The following DENND1B variants were observed in gnomAD, a reference collection of about 807,000 sequenced individuals.
DENND1B encodes the protein DENN domain containing 1B.
In DENND1B, 59 loss-of-function variants were observed where a neutral mutation model predicts 90.1. The ratio of observed to expected loss-of-function variants is 0.65; its 90% confidence interval spans 0.53 to 0.81. The LOEUF (loss-of-function observed/expected upper bound fraction) is 0.81. Among genes scored for constraint, DENND1B ranks in the 40% least tolerant of loss-of-function variants. The pLI, the probability that DENND1B is intolerant of heterozygous loss-of-function variation, is 0.00. For missense variants in DENND1B, 862 were observed against 912.6 expected (o/e 0.94, Z 0.71); for synonymous variants, 337 against 324.6 (o/e 1.04, Z -0.41).
upstream of DENND1B, among the ~76,000 whole-genome samples, chr1:197,776,888 T>C (rs1471347480): frequency 6.6e-6 from 1 of 152,140 alleles, no homozygotes; most frequent in Non-Finnish European, 1.5e-5. Flanking sequence ...CACTTCAGTT[T>C]CTCGGTTCCT....
At chr1:197,682,764 T>G (rs898751103) in intron 3 of DENND1B, among the ~76,000 whole-genome samples, 1 of 152,074 alleles carries the variant, frequency 6.6e-6, no homozygotes, top group African/African-American at 2.4e-5. Context: ...GGAAAACATA[T>G]GTGCAAAGAA....
At chr1:197,669,938 C>T (rs2125981262) in intron 5 of DENND1B, among the ~76,000 whole-genome samples, 1 of 152,142 alleles carries the variant, frequency 6.6e-6, no homozygotes, top group Admixed American at 6.5e-5. Context: ...AAAAACTCTT[C>T]CTACTTCAAA....
chr1:197,662,570 T>A (rs1228389514), intron 5 of DENND1B, among the ~76,000 whole-genome samples: 6 of 151,982 alleles, frequency 3.9e-5, no homozygotes, highest in South Asian at 2.1e-4. Context: ...GAGCCTTTTT[T>A]AAAAAATATA....
chr1:197,694,937 A>T (rs1410945921), intron 3 of DENND1B, among the ~76,000 whole-genome samples: 3 of 151,304 alleles, frequency 2.0e-5, no homozygotes, highest in African/African-American at 7.3e-5. Context: ...GTACGCAAAA[A>T]TATTCTTTTC....
chr1:197,725,156 G>A (rs1470966517), intron 2 of DENND1B, among the ~76,000 whole-genome samples: 3 of 152,046 alleles, frequency 2.0e-5, no homozygotes, highest in Non-Finnish European at 4.4e-5. Context: ...GACATGACTA[G>A]ACACATCACA....
intron 2 of DENND1B, among the ~76,000 whole-genome samples, chr1:197,767,800 T>A (rs539629456): frequency 6.6e-6 from 1 of 152,322 alleles, no homozygotes; most frequent in East Asian, 1.9e-4. Context: ...TTCATTAATT[T>A]TAGGGAACAC....
At chr1:197,550,115 C>A (rs1188737919) in intron 16 of DENND1B, among the ~76,000 whole-genome samples, 1 of 151,996 alleles carries the variant, frequency 6.6e-6, no homozygotes, top group Admixed American at 6.6e-5. Context: ...TAAAGGAACA[C>A]AATTTTTTCT....
At chr1:197,734,990 A>G (rs1381223966) in intron 2 of DENND1B, 1 of 985,866 alleles carries the variant, frequency 1.0e-6, no homozygotes, top group African/African-American at 1.7e-5. Context: ...ACAGTGGATA[A>G]GTAAGAACTG....
At chr1:197,570,927 T>C (rs1673093815) in intron 15 of DENND1B, among the ~76,000 whole-genome samples, 1 of 152,160 alleles carries the variant, frequency 6.6e-6, no homozygotes, top group Non-Finnish European at 1.5e-5. Flanking sequence ...ATTAGAAAGG[T>C]TCATAACCTA....
intron 2 of DENND1B, among the ~76,000 whole-genome samples, chr1:197,748,324 C>T (rs1254280188): frequency 6.6e-6 from 1 of 151,980 alleles, no homozygotes; most frequent in Admixed American, 6.6e-5. Context: ...CAAAATGAAA[C>T]AGATATTAGA....
chr1:197,584,869 C>T (rs922140223), intron 14 of DENND1B, among the ~76,000 whole-genome samples: 37 of 152,142 alleles, frequency 2.4e-4, no homozygotes, highest in African/African-American at 4.8e-4. Context: ...GAAAGGGTTT[C>T]GCTATGTTGC....
chr1:197,768,590 AG>A (rs1190099752), intron 2 of DENND1B, among the ~76,000 whole-genome samples: 1 of 152,146 alleles, frequency 6.6e-6, no homozygotes, highest in Non-Finnish European at 1.5e-5. Flanking sequence ...GAGATCTACC[AG>A]GAAGAGCATT....
intron 2 of DENND1B, chr1:197,735,644 C>T (rs368891294): frequency 1.2e-5 from 20 of 1,614,044 alleles, no homozygotes; most frequent in Admixed American, 1.7e-5. Context: ...CCATGAAGGT[C>T]GAGCTATGCG....
intron 2 of DENND1B, among the ~76,000 whole-genome samples, chr1:197,736,681 A>G (rs1375801965): frequency 1.3e-5 from 2 of 152,194 alleles, no homozygotes; most frequent in Non-Finnish European, 2.9e-5. Context: ...GTATGTCATA[A>G]AAATCATCCC....
intron 10 of DENND1B, among the ~76,000 whole-genome samples, chr1:197,640,889 T>C (rs993783750): frequency 4.6e-5 from 7 of 151,982 alleles, no homozygotes; most frequent in Non-Finnish European, 7.4e-5. Context: ...GGAGGATCCA[T>C]TGAGCCCAGG....
intron 15 of DENND1B, among the ~76,000 whole-genome samples, chr1:197,564,344 C>T (rs1434806415): frequency 1.4e-5 from 2 of 145,314 alleles, no homozygotes; most frequent in African/African-American, 5.1e-5. Context: ...TCTACAGCCA[C>T]CTCCCTAATC....
intron 3 of DENND1B, among the ~76,000 whole-genome samples, chr1:197,679,798 T>A (rs1656471692): frequency 6.8e-6 from 1 of 146,610 alleles, no homozygotes; most frequent in Non-Finnish European, 1.5e-5. Context: ...AATATGGGTT[T>A]CCAAGGGTTG....
chr1:197,529,968 T>C (rs936387346), intron 20 of DENND1B, among the ~76,000 whole-genome samples: 5 of 152,298 alleles, frequency 3.3e-5, no homozygotes, highest in Admixed American at 2.0e-4. Context: ...CTGTTGGAAC[T>C]GTCATCTTTA....
chr1:197,684,418 G>T (rs746852080), intron 3 of DENND1B, among the ~76,000 whole-genome samples: 46 of 152,098 alleles, frequency 3.0e-4, no homozygotes, highest in Admixed American at 9.2e-4. Context: ...GATTGCAATC[G>T]ATAATCAGCA....
Sources: allele counts gnomAD v4.1 joint callset (sites outside exome capture counted in the v4.1 genomes callset), GRCh38; gene constraint gnomAD v4.1.1; transcripts MANE v1.5; gene names NCBI Gene and HGNC (gene_info 2026-07-23, HGNC 2026-07-21).